SLC25A48: variants seen among roughly 807,000 people sequenced by gnomAD.
The protein encoded by SLC25A48 is CTC-321K16.1.
A neutral mutation model predicts 32.2 loss-of-function variants in SLC25A48; 29 were observed. The observed-to-expected ratio is 0.90, with a 90% CI of 0.67 to 1.23. The LOEUF is 1.23. Ranked by LOEUF, SLC25A48 falls within the 50% of genes most tolerant of loss-of-function variation. The pLI, the probability that SLC25A48 is intolerant of heterozygous loss-of-function variation, is 0.00. For synonymous variants in SLC25A48, 164 were observed against 172.3 expected (o/e 0.95, Z 0.38); for missense variants, 399 against 422.7 (o/e 0.94, Z 0.49).
At chr5:135,612,831 C>T (rs974005266) in intron 1 of SLC25A48, among the ~76,000 whole-genome samples, 1 of 152,026 alleles carries the variant, frequency 6.6e-6, no homozygotes, top group Non-Finnish European at 1.5e-5. Flanking sequence ...ATTGATGGAC[C>T]TTAGATTGAT....
At chr5:135,883,988 T>C (rs1300187810) in intron 7 of SLC25A48, among the ~76,000 whole-genome samples, 3 of 152,168 alleles carry the variant, frequency 2.0e-5, no homozygotes, top group Non-Finnish European at 4.4e-5. Flanking sequence ...GAGCCCTTTC[T>C]TGATGAGCTG....
chr5:135,832,523 G>A (rs768599478), upstream of SLC25A48, among the ~76,000 whole-genome samples: 21 of 151,978 alleles, frequency 1.4e-4, no homozygotes, highest in Non-Finnish European at 2.2e-4. Flanking sequence ...TAGACTAAAG[G>A]TGCAGCCAGG....
At chr5:135,723,376 T>TCA (rs1446274270) in intron 3 of SLC25A48, among the ~76,000 whole-genome samples, 1 of 47,664 alleles carries the variant, frequency 2.1e-5, no homozygotes, top group African/African-American at 4.6e-5. Context: ...TCTCTCTCTC[T>TCA]CTCTCACACA....
chr5:135,780,905 G>T lies in SLC25A48; in HGVS notation c.-520-31618G>T, dbSNP rs1756702617. Among the ~76,000 whole-genome samples, 2 of 116,170 alleles carry T rather than the reference G, an allele frequency of 1.7e-5. 1 individual carries two copies. Among genetic ancestry groups the T allele is most frequent in the Admixed American group, 1.8e-4 (2 of 11,178 alleles). 76.2% of individuals were successfully genotyped at this position (116,170 alleles called of 152,430 possible). ...ATAATATTACTCCCAATATTCCAGG[G>T]AGTGTACATCCCCCCGTAATATTGT... On this transcript the variant is annotated intron_variant, in intron 3 of 10. Transcript: ENST00000646290.
chr5:135,750,393 C>T (rs34960474), intron 3 of SLC25A48, among the ~76,000 whole-genome samples: 46,009 of 151,922 alleles, frequency 0.3, 7,118 homozygotes, highest in East Asian at 0.46. Context: ...CCCAAATGGC[C>T]TCACTCTCCC....
intron 3 of SLC25A48, among the ~76,000 whole-genome samples, chr5:135,718,917 T>C (rs1197328522): frequency 1.3e-5 from 2 of 152,246 alleles, no homozygotes; most frequent in East Asian, 3.8e-4. Context: ...GTCTTGACTG[T>C]AGTTGTGAGT....
At chr5:135,650,521 A>T (rs778058780) in intron 3 of SLC25A48, 15 of 424,968 alleles carry the variant, frequency 3.5e-5, no homozygotes, top group South Asian at 2.5e-4. Flanking sequence ...ACAAGGGATG[A>T]CCCTGAACAA....
chr5:135,719,298 C>T (rs1240765386), intron 3 of SLC25A48, among the ~76,000 whole-genome samples: 1 of 152,150 alleles, frequency 6.6e-6, no homozygotes, highest in African/African-American at 2.4e-5. Context: ...TGCATTCAGT[C>T]AAATTGACTT....
At chr5:135,815,671 G>A (rs1004158732) in intron 4 of SLC25A48, among the ~76,000 whole-genome samples, 2 of 152,172 alleles carry the variant, frequency 1.3e-5, no homozygotes, top group African/African-American at 4.8e-5. Context: ...ATCCATCCAT[G>A]TCTACAGATG....
chr5:135,854,083 C>G (rs1221285875), intron 4 of SLC25A48, among the ~76,000 whole-genome samples: 3 of 152,194 alleles, frequency 2.0e-5, no homozygotes, highest in Non-Finnish European at 4.4e-5. Flanking sequence ...TAGGTCTCAA[C>G]AGCGGACCTA....
At chr5:135,700,671 T>G (rs1754374667) in intron 3 of SLC25A48, among the ~76,000 whole-genome samples, 1 of 152,200 alleles carries the variant, frequency 6.6e-6, no homozygotes, top group African/African-American at 2.4e-5. Flanking sequence ...TTGTAAATAC[T>G]GTTCTCAATG....
intron 3 of SLC25A48, among the ~76,000 whole-genome samples, chr5:135,693,676 C>T (rs537201934): frequency 1.3e-5 from 2 of 152,228 alleles, no homozygotes; most frequent in Non-Finnish European, 2.9e-5. Context: ...CCACTACCAA[C>T]TGAATGGAAT....
In SLC25A48 at chr5:135,664,620, ACT is replaced by A. The variant is rs1475838773; in HGVS notation, c.-521+29667_-521+29668del. Among the ~76,000 whole-genome samples the A allele has an allele frequency of 3.3e-5, 5 of 151,624 alleles. No homozygotes were observed. In the East Asian group the frequency reaches 9.7e-4, roughly 29 times the overall value. ...CTAAGTCTCCGTAGTCCATTATATC[ACT>A]CTGTTTGCCTTTGCATACCCATAGC... On this transcript the variant is annotated intron_variant, in intron 3 of 10. Transcript: ENST00000646290.
intron 3 of SLC25A48, among the ~76,000 whole-genome samples, chr5:135,811,225 G>A (rs1386625905): frequency 1.3e-5 from 2 of 152,228 alleles, no homozygotes; most frequent in Non-Finnish European, 2.9e-5. Flanking sequence ...TGGGAAGGAG[G>A]ATGGGCAGGG....
chr5:135,731,848 G>A (rs1378657803), intron 3 of SLC25A48, among the ~76,000 whole-genome samples: 1 of 152,190 alleles, frequency 6.6e-6, no homozygotes, highest in East Asian at 1.9e-4. Flanking sequence ...AGCACCAGGA[G>A]ATATCAGCTG....
chr5:135,791,885 G>A (rs1258244267), intron 3 of SLC25A48, among the ~76,000 whole-genome samples: 2 of 151,590 alleles, frequency 1.3e-5, no homozygotes, highest in East Asian at 3.9e-4. Flanking sequence ...TAATGTCACA[G>A]GGTATGTACA....
chr5:135,582,003 G>C (rs1031814330), intron 1 of SLC25A48, among the ~76,000 whole-genome samples: 1 of 152,220 alleles, frequency 6.6e-6, no homozygotes, highest in Non-Finnish European at 1.5e-5. Context: ...GCTTCAAGGA[G>C]GTCCCTGGGG....
upstream of SLC25A48, among the ~76,000 whole-genome samples, chr5:135,834,109 C>T (rs1214302625): frequency 6.6e-6 from 1 of 152,216 alleles, no homozygotes; most frequent in Non-Finnish European, 1.5e-5. Flanking sequence ...CCAGTGAGCA[C>T]GGACCCCTGG....
intron 4 of SLC25A48, among the ~76,000 whole-genome samples, chr5:135,855,234 G>A (rs1338731941): frequency 6.6e-6 from 1 of 152,176 alleles, no homozygotes; most frequent in Non-Finnish European, 1.5e-5. Context: ...AAATGGTGCC[G>A]ATAGCCTTGC....
Sources: gnomAD v4.1 joint callset for allele counts (sites outside exome capture counted in the v4.1 genomes callset) on GRCh38, gnomAD v4.1.1 for gene constraint, MANE v1.5 for transcripts, NCBI Gene and HGNC (gene_info 2026-07-23, HGNC 2026-07-21) for gene names.